Variants in MAGI1 observed in about 807,000 individuals in gnomAD.
The protein encoded by MAGI1 is membrane associated guanylate kinase, WW and PDZ domain containing 1.
A neutral mutation model predicts 139.9 loss-of-function variants in MAGI1; 58 were observed. That is an observed-to-expected ratio of 0.41 (90% CI 0.34 to 0.52). The LOEUF (loss-of-function observed/expected upper bound fraction) is 0.52, where lower values mean the gene tolerates loss of function less well. Ranked by LOEUF, MAGI1 falls within the 20% of genes least tolerant of loss-of-function variation. MAGI1 has a pLI of 0.12. For missense variants in MAGI1, 1,874 were observed against 1,901.6 expected (o/e 0.99, Z 0.27); for synonymous variants, 812 against 737.9 (o/e 1.10, Z -1.63).
intron 1 of MAGI1, chr3:65,844,364 C>G (rs574073991): frequency 3.1e-6 from 1 of 327,146 alleles, no homozygotes; most frequent in South Asian, 2.7e-5. Context: ...CAAATTGTTC[C>G]TAAAGCAGAA....
chr3:65,570,980 T>C (rs751208151), intron 2 of MAGI1, among the ~76,000 whole-genome samples: 12 of 152,220 alleles, frequency 7.9e-5, no homozygotes, highest in South Asian at 2.1e-4. Flanking sequence ...AACGGAGGCT[T>C]ACATTTTTTT....
At chr3:65,553,587 T>C (rs962399018) in intron 2 of MAGI1, among the ~76,000 whole-genome samples, 1 of 152,190 alleles carries the variant, frequency 6.6e-6, no homozygotes, top group East Asian at 1.9e-4. Context: ...CAAGTGTATA[T>C]AGAGTGCACT....
At chr3:65,940,796 A>G (rs2063278285) in intron 1 of MAGI1, among the ~76,000 whole-genome samples, 1 of 152,192 alleles carries the variant, frequency 6.6e-6, no homozygotes, top group South Asian at 2.1e-4. Flanking sequence ...GGCAACCCAC[A>G]AGGTATTAAC....
At chr3:66,026,985 A>G (rs2068304237) in intron 1 of MAGI1, among the ~76,000 whole-genome samples, 2 of 150,386 alleles carry the variant, frequency 1.3e-5, no homozygotes, top group Admixed American at 1.3e-4. Flanking sequence ...AAAAGAGAGG[A>G]CCGGCTGGGC....
At chr3:65,618,722 CCT>C (rs1197901188) in intron 2 of MAGI1, among the ~76,000 whole-genome samples, 7 of 152,170 alleles carry the variant, frequency 4.6e-5, no homozygotes, top group Admixed American at 4.6e-4. Context: ...CTCTCTTGAG[CCT>C]CTGTTTCCTT....
intron 1 of MAGI1, among the ~76,000 whole-genome samples, chr3:66,010,820 T>A (rs1219055940): frequency 6.6e-6 from 1 of 152,220 alleles, no homozygotes; most frequent in East Asian, 1.9e-4. Flanking sequence ...AAAGCACCTT[T>A]GCCCTCAGGA....
chr3:65,503,809 G>T (rs1465845959), intron 2 of MAGI1, among the ~76,000 whole-genome samples: 1 of 152,138 alleles, frequency 6.6e-6, no homozygotes, highest in Non-Finnish European at 1.5e-5. Context: ...CCTACTTCTA[G>T]CTCTTTTCTC....
intron 3 of MAGI1, among the ~76,000 whole-genome samples, chr3:65,489,221 A>G (rs1297963602): frequency 6.6e-6 from 1 of 152,186 alleles, no homozygotes; most frequent in African/African-American, 2.4e-5. Context: ...AGCACCTACT[A>G]TGTGCCACAC....
chr3:65,384,992 T>C (rs921165843), intron 14 of MAGI1, among the ~76,000 whole-genome samples: 18 of 152,170 alleles, frequency 1.2e-4, no homozygotes, highest in African/African-American at 3.9e-4. Context: ...TTAAGATCAA[T>C]GGTGATGACA....
At chr3:65,462,273 T>C (rs1232501925) in intron 5 of MAGI1, among the ~76,000 whole-genome samples, 1 of 152,254 alleles carries the variant, frequency 6.6e-6, no homozygotes, top group Non-Finnish European at 1.5e-5. Context: ...AAGTCTTTAA[T>C]CCATCTTGAG....
At chr3:65,803,644 T>C (rs2040657319) in intron 1 of MAGI1, among the ~76,000 whole-genome samples, 1 of 152,190 alleles carries the variant, frequency 6.6e-6, no homozygotes, top group Admixed American at 6.5e-5. Flanking sequence ...ATTTCATCAC[T>C]CAGGTACTAA....
intron 2 of MAGI1, among the ~76,000 whole-genome samples, chr3:65,550,949 AAC>A (rs531730293): frequency 1.1e-3 from 172 of 152,142 alleles, no homozygotes; most frequent in Non-Finnish European, 2.1e-3. Context: ...CAGCCTGGGC[AAC>A]AGAGACCCTG....
intron 1 of MAGI1, among the ~76,000 whole-genome samples, chr3:65,675,626 A>C (rs974842474): frequency 3.9e-5 from 6 of 152,206 alleles, no homozygotes; most frequent in Admixed American, 2.6e-4. Flanking sequence ...TTAATTCAAA[A>C]ATTCAAGGAG....
In MAGI1 at chr3:65,379,454, G is replaced by T; in HGVS notation, c.2802C>A (p.Ser934Arg). The T allele has an allele frequency of 1.2e-6, 2 of 1,614,026 alleles. No individual in the cohort carries two copies. The highest frequency in any genetic ancestry group is 2.2e-5 in the East Asian group (1 of 44,862). The change falls in exon 17 of 23, where the codon AGC (serine) becomes AGA (arginine). Residue 934 changes from serine (S) to arginine (R), a missense_variant. By Grantham distance (110) the Ser-to-Arg change is moderately radical. Transcript: ENST00000402939. The part of the protein sequence containing the change: ...LTEEKRTPQG[S>R]QNSLNTVSSG... ...AGCTCACCGTGTTCAGCGAGTTCTG[G>T]CTGCCCTGCGGAGTGCGCTTCTCTT...
At chr3:65,952,383 CT>C (rs1475635820) in intron 1 of MAGI1, among the ~76,000 whole-genome samples, 3 of 152,268 alleles carry the variant, frequency 2.0e-5, no homozygotes, top group Non-Finnish European at 2.9e-5. Context: ...TTTTCCGATA[CT>C]TTTGCTCTGC....
At chr3:65,408,149 C>A (rs1038056073) in intron 12 of MAGI1, among the ~76,000 whole-genome samples, 12 of 152,174 alleles carry the variant, frequency 7.9e-5, no homozygotes, top group South Asian at 2.1e-4. Context: ...GTTAAATCAT[C>A]CTTGTCCAAG....
intron 1 of MAGI1, among the ~76,000 whole-genome samples, chr3:65,968,421 C>A (rs1377470203): frequency 6.6e-6 from 1 of 151,908 alleles, no homozygotes; most frequent in Non-Finnish European, 1.5e-5. Flanking sequence ...AACACTGATT[C>A]AAAGGTAAAC....
chr3:66,007,273 T>G (rs185272996), intron 1 of MAGI1, among the ~76,000 whole-genome samples: 1 of 152,208 alleles, frequency 6.6e-6, no homozygotes, highest in Non-Finnish European at 1.5e-5. Flanking sequence ...ATCAGTTCTA[T>G]CTCATTGTCT....
rs1466131599 is a variant in MAGI1 at position 65,696,672 on chromosome 3, C to CAATAA, written c.314-74585_314-74584insTTATT. On this transcript the variant is annotated intron_variant, in intron 1 of 22. Transcript: ENST00000402939. ...AAACAGAATTTCCTAACATTTGTGG[C>CAATAA]AATACAATAAAATAAAATAAAATAT... 1.2e-4 allele frequency among the ~76,000 whole-genome samples: 18 copies of CAATAA among 151,706 alleles called. No homozygotes were observed. The South Asian group carries it at 3.1e-3, about 26-fold the overall frequency.
Sources: gnomAD v4.1 joint callset for allele counts (sites outside exome capture counted in the v4.1 genomes callset) on GRCh38, gnomAD v4.1.1 for gene constraint, MANE v1.5 for transcripts, NCBI Gene and HGNC (gene_info 2026-07-23, HGNC 2026-07-21) for gene names.